The following CFAP299 variants were observed in gnomAD, a reference collection of about 807,000 sequenced individuals.
The protein encoded by CFAP299 is cilia and flagella associated protein 299.
CFAP299 carries 21 observed loss-of-function variants against 27.0 expected under a neutral mutation model. The ratio of observed to expected loss-of-function variants is 0.78; its 90% CI spans 0.55 to 1.12. The LOEUF is 1.12. CFAP299 is among the 50% of genes most tolerant of loss of function. The pLI, the probability that CFAP299 is intolerant of heterozygous loss-of-function variation, is 0.00. For missense variants in CFAP299, 310 were observed against 276.6 expected, an observed-to-expected ratio of 1.12 and a Z score of -0.86; for synonymous variants, 104 against 98.1, an observed-to-expected ratio of 1.06 and a Z score of -0.36.
At chr4:80,956,528 G>A (rs911162307) in intron 5 of CFAP299, among the ~76,000 whole-genome samples, 3 of 152,016 alleles carry the variant, frequency 2.0e-5, no homozygotes, top group African/African-American at 7.2e-5. Context: ...GAAGTCCTGG[G>A]CTCATATGAT....
At chr4:80,415,893 T>A (rs138946264) in intron 2 of CFAP299, among the ~76,000 whole-genome samples, 1 of 152,310 alleles carries the variant, frequency 6.6e-6, no homozygotes, top group East Asian at 1.9e-4. Context: ...ATGGGGTGAT[T>A]ACTATAGGCT....
intron 3 of CFAP299, among the ~76,000 whole-genome samples, chr4:80,789,804 T>C (rs1370341170): frequency 6.6e-6 from 1 of 152,050 alleles, no homozygotes; most frequent in Non-Finnish European, 1.5e-5. Flanking sequence ...AGCATAAACA[T>C]TTATTAATCT....
chr4:80,475,757 A>G (rs1461252837), intron 2 of CFAP299, among the ~76,000 whole-genome samples: 1 of 152,230 alleles, frequency 6.6e-6, no homozygotes. Context: ...GCAAACAAAT[A>G]TTTGGTGTTT....
intron 2 of CFAP299, among the ~76,000 whole-genome samples, chr4:80,515,184 A>G (rs546390543): frequency 6.6e-6 from 1 of 152,286 alleles, no homozygotes; most frequent in South Asian, 2.1e-4. Context: ...CCACCAAGTG[A>G]TTTTCCATTG....
intron 3 of CFAP299, among the ~76,000 whole-genome samples, chr4:80,689,949 C>T (rs1720538995): frequency 6.6e-6 from 1 of 150,780 alleles, no homozygotes; most frequent in Non-Finnish European, 1.5e-5. Context: ...ACAAAGAAGG[C>T]CATTACATAA....
chr4:80,832,347 C>A (rs1730342127), intron 3 of CFAP299, among the ~76,000 whole-genome samples: 1 of 152,036 alleles, frequency 6.6e-6, no homozygotes, highest in African/African-American at 2.4e-5. Flanking sequence ...CTATTTCTTT[C>A]TCATCAAATT....
At chr4:80,914,885 G>T (rs541820450) in intron 4 of CFAP299, among the ~76,000 whole-genome samples, 11 of 152,158 alleles carry the variant, frequency 7.2e-5, no homozygotes, top group Non-Finnish European at 1.2e-4. Context: ...CCTAGCTGGA[G>T]GTTTACCAGT....
At chr4:80,739,063 C>A (rs1461565061) in intron 3 of CFAP299, among the ~76,000 whole-genome samples, 2 of 151,986 alleles carry the variant, frequency 1.3e-5, no homozygotes, top group Admixed American at 6.6e-5. Context: ...TTAGTTTCGT[C>A]CCCCTGCTTT....
intron 3 of CFAP299, among the ~76,000 whole-genome samples, chr4:80,597,953 C>T (rs1389286499): frequency 6.6e-6 from 1 of 152,156 alleles, no homozygotes; most frequent in Non-Finnish European, 1.5e-5. Context: ...TCCCAAAGTA[C>T]TGGGATTATA....
At chr4:80,878,791 C>T (rs1397731251) in intron 4 of CFAP299, among the ~76,000 whole-genome samples, 2 of 152,150 alleles carry the variant, frequency 1.3e-5, no homozygotes, top group Non-Finnish European at 1.5e-5. Context: ...AGGAATTGTA[C>T]ACAACTTTCA....
intron 3 of CFAP299, among the ~76,000 whole-genome samples, chr4:80,784,911 T>A (rs1003168908): frequency 6.6e-6 from 1 of 152,188 alleles, no homozygotes; most frequent in Non-Finnish European, 1.5e-5. Context: ...TTTTTCCTAA[T>A]GAGTTGTATG....
chr4:80,666,353 C>T (rs564589040), intron 3 of CFAP299, among the ~76,000 whole-genome samples: 5 of 152,146 alleles, frequency 3.3e-5, no homozygotes, highest in South Asian at 2.1e-4. Flanking sequence ...GGTGAAGGCT[C>T]ACAAATCTCT....
intron 3 of CFAP299, among the ~76,000 whole-genome samples, chr4:80,663,060 G>A (rs909830553): frequency 4.7e-5 from 7 of 149,716 alleles, no homozygotes; most frequent in Non-Finnish European, 8.9e-5. Flanking sequence ...CTTATTTTAC[G>A]ATTTATTTTT....
At chr4:80,492,849 T>C (rs548463546) in intron 2 of CFAP299, among the ~76,000 whole-genome samples, 4 of 152,136 alleles carry the variant, frequency 2.6e-5, no homozygotes, top group Non-Finnish European at 5.9e-5. Flanking sequence ...TTGAATAATT[T>C]CAGCAGGCCC....
At chr4:80,785,744 A>C (rs1003885869) in intron 3 of CFAP299, among the ~76,000 whole-genome samples, 2 of 152,166 alleles carry the variant, frequency 1.3e-5, no homozygotes, top group African/African-American at 2.4e-5. Flanking sequence ...ATAATTATAA[A>C]GCTGTTTATT....
At chr4:80,601,890 G>A (rs1348143470) in intron 3 of CFAP299, among the ~76,000 whole-genome samples, 2 of 152,180 alleles carry the variant, frequency 1.3e-5, no homozygotes, top group Non-Finnish European at 2.9e-5. Context: ...ATTGAATACT[G>A]TGCATCCACA....
intron 3 of CFAP299, among the ~76,000 whole-genome samples, chr4:80,747,299 C>A (rs890176941): frequency 6.6e-6 from 1 of 151,938 alleles, no homozygotes; most frequent in African/African-American, 2.4e-5. Context: ...ACTGGCAGCA[C>A]AGTAGGTTTG....
chr4:80,559,309 A>G (rs1734929714), intron 2 of CFAP299, among the ~76,000 whole-genome samples: 1 of 141,560 alleles, frequency 7.1e-6, no homozygotes, highest in South Asian at 2.1e-4. Context: ...ACTTTTTAGT[A>G]TTACTTCTGC....
intron 2 of CFAP299, among the ~76,000 whole-genome samples, chr4:80,547,948 A>T (rs1734322142): frequency 6.6e-6 from 1 of 152,188 alleles, no homozygotes; most frequent in Non-Finnish European, 1.5e-5. Flanking sequence ...TAGTTTAGCC[A>T]CTGTGGAATA....
Sources: gnomAD v4.1 joint callset for allele counts (sites outside exome capture counted in the v4.1 genomes callset) on GRCh38, gnomAD v4.1.1 for gene constraint, MANE v1.5 for transcripts, NCBI Gene and HGNC (gene_info 2026-07-23, HGNC 2026-07-21) for gene names.